FSIP1: variants seen among roughly 807,000 people sequenced by gnomAD.
FSIP1 encodes the protein fibrous sheath-interacting protein 1.
A neutral mutation model predicts 60.9 loss-of-function variants in FSIP1; 65 were observed. The observed-to-expected ratio is 1.07, with a 90% CI of 0.87 to 1.31. The LOEUF (loss-of-function observed/expected upper bound fraction) is 1.31, where lower values mean the gene tolerates loss of function less well. FSIP1 is among the 40% of genes most tolerant of loss of function. FSIP1 has a pLI of 0.00. For missense variants in FSIP1, 675 were observed against 665.5 expected, an observed-to-expected ratio of 1.01 and a Z score of -0.16; for synonymous variants, 209 against 221.2, an observed-to-expected ratio of 0.94 and a Z score of 0.49.
intron 8 of FSIP1, among the ~76,000 whole-genome samples, chr15:39,730,476 A>G (rs912947774): frequency 2.6e-5 from 4 of 152,246 alleles, no homozygotes; most frequent in African/African-American, 9.6e-5. Context: ...GGGCAAAGAA[A>G]CTTATTTCAT....
chr15:39,632,756 C>A (rs1211325203), intron 10 of FSIP1, among the ~76,000 whole-genome samples: 3 of 151,996 alleles, frequency 2.0e-5, no homozygotes, highest in Non-Finnish European at 4.4e-5. Context: ...TCGGCCACTG[C>A]ACTCCAACCT....
chr15:39,772,953 C>A (rs916447434), intron 2 of FSIP1, among the ~76,000 whole-genome samples: 1 of 151,976 alleles, frequency 6.6e-6, no homozygotes, highest in Non-Finnish European at 1.5e-5. Flanking sequence ...TCACAGGAAA[C>A]GCAAATACCT....
In FSIP1 at chr15:39,617,946, A is replaced by G; in HGVS notation, c.1488T>C (p.Ala496=). 6.2e-7 allele frequency: 1 copy of G among 1,614,196 alleles called. No individual in the cohort carries two copies. Among genetic ancestry groups the G allele is most frequent in the Non-Finnish European group, 8.5e-7 (1 of 1,180,026 alleles). ...KALTGHNMSE[A]LVTEAENMKC... ...TCATATTCTCTGCTTCAGTGACAAG[A>G]GCTTCTGACATGTTATGTCCAGTCA... The change falls in exon 11 of 12, where the codon GCT becomes GCC. Residue 496 remains alanine, a synonymous_variant. Transcript: ENST00000350221.
chr15:39,751,759 T>C (rs1202346908), intron 5 of FSIP1, among the ~76,000 whole-genome samples: 2 of 152,000 alleles, frequency 1.3e-5, no homozygotes, highest in African/African-American at 2.4e-5. Flanking sequence ...AGGACTATAA[T>C]TGATAATAGT....
chr15:39,699,780 A>C (rs1283000869), intron 10 of FSIP1, among the ~76,000 whole-genome samples: 6 of 152,116 alleles, frequency 3.9e-5, no homozygotes, highest in Admixed American at 3.9e-4. Context: ...TCAGCATTCC[A>C]CTCAAATTTC....
At chr15:39,647,311 C>T (rs1019980879) in intron 10 of FSIP1, among the ~76,000 whole-genome samples, 3 of 152,134 alleles carry the variant, frequency 2.0e-5, no homozygotes, top group African/African-American at 7.2e-5. Flanking sequence ...TGTTAATTTG[C>T]TTGACTATAA....
chr15:39,601,032 C>A (rs1330111880), intron 11 of FSIP1, 106 bp from the exon 12 acceptor site: 5 of 806,190 alleles, frequency 6.2e-6, no homozygotes, highest in Non-Finnish European at 1.0e-5. Context: ...ACACATGAGG[C>A]AATAATCACA....
chr15:39,656,622 C>A (rs572832405), intron 10 of FSIP1, among the ~76,000 whole-genome samples: 4 of 152,192 alleles, frequency 2.6e-5, no homozygotes, highest in Non-Finnish European at 5.9e-5. Context: ...TAACCTACCC[C>A]ATACAGTTTT....
At chr15:39,631,366 T>G (rs1891881663) in intron 10 of FSIP1, among the ~76,000 whole-genome samples, 1 of 152,180 alleles carries the variant, frequency 6.6e-6, no homozygotes, top group Admixed American at 6.5e-5. Flanking sequence ...TGAACCTTTG[T>G]TTATGATTTG....
chr15:39,704,064 G>A (rs1895168421), intron 10 of FSIP1, among the ~76,000 whole-genome samples: 1 of 152,240 alleles, frequency 6.6e-6, no homozygotes, highest in East Asian at 1.9e-4. Flanking sequence ...GTGATTAAGA[G>A]AACAAATTTT....
chr15:39,629,015 G>GGCA (rs1414352135), intron 10 of FSIP1, among the ~76,000 whole-genome samples: 3 of 152,172 alleles, frequency 2.0e-5, no homozygotes, highest in East Asian at 3.8e-4. Context: ...TCTGGAAGCT[G>GGCA]GCAGCAGCAG....
intron 10 of FSIP1, among the ~76,000 whole-genome samples, chr15:39,658,994 T>G (rs533855924): frequency 6.5e-4 from 99 of 152,346 alleles, no homozygotes; most frequent in Non-Finnish European, 1.3e-3. Context: ...AATGAAGTAC[T>G]AATACATGCT....
chr15:39,653,488 G>A (rs891591779), intron 10 of FSIP1, among the ~76,000 whole-genome samples: 7 of 151,950 alleles, frequency 4.6e-5, no homozygotes, highest in African/African-American at 1.7e-4. Flanking sequence ...AAACACATTA[G>A]CTGTACAAAA....
At chr15:39,605,616 G>A (rs533069905) in intron 11 of FSIP1, among the ~76,000 whole-genome samples, 3 of 152,218 alleles carry the variant, frequency 2.0e-5, no homozygotes, top group Non-Finnish European at 4.4e-5. Context: ...GAGAGGGCTA[G>A]GTGGGGGCTG....
chr15:39,679,662 A>G (rs1224100060), intron 10 of FSIP1, among the ~76,000 whole-genome samples: 3 of 152,226 alleles, frequency 2.0e-5, no homozygotes, highest in Non-Finnish European at 4.4e-5. Context: ...ATCAAACAGG[A>G]GAATTTACTA....
Position 39,618,056 on chromosome 15 carries a change from C to A in FSIP1, c.1378G>T (p.Val460Phe). 1.2e-6 allele frequency: 2 copies of A among 1,614,102 alleles called. No individual in the cohort carries two copies. Among genetic ancestry groups the A allele is most frequent in the African/African-American group, 1.3e-5 (1 of 75,022 alleles). The change falls in exon 11 of 12, where the codon GTC becomes TTC. Residue 460 changes from valine to phenylalanine, a missense_variant. Physicochemically the swap from Val to Phe is conservative, Grantham distance 50. Coordinates refer to ENST00000350221, the MANE Select transcript of FSIP1 (RefSeq NM_152597.5). Reference sequence around the variant, plus strand: ...GCATCTTCTACCTCAGTTTTCTGGACCTTTGTTTCTGATTCATTTAGCAAT... The same window carrying A: ...GCATCTTCTACCTCAGTTTTCTGGAACTTTGTTTCTGATTCATTTAGCAAT... ...SKLLNESETK[V>F]QKTEVEDADM...
At chr15:39,613,774 C>T (rs1393852894) in intron 11 of FSIP1, among the ~76,000 whole-genome samples, 1 of 152,130 alleles carries the variant, frequency 6.6e-6, no homozygotes, top group Non-Finnish European at 1.5e-5. Context: ...TGGGCTTTAT[C>T]CCTGGTATGC....
chr15:39,761,590 G>A (rs1321731271), intron 5 of FSIP1, among the ~76,000 whole-genome samples: 2 of 152,192 alleles, frequency 1.3e-5, no homozygotes, highest in Non-Finnish European at 2.9e-5. Flanking sequence ...AGAAAATAAT[G>A]GCCAAAGGGT....
chr15:39,668,515 T>C (rs968922591), intron 10 of FSIP1, among the ~76,000 whole-genome samples: 1 of 152,230 alleles, frequency 6.6e-6, no homozygotes, highest in African/African-American at 2.4e-5. Flanking sequence ...TTGACTTCTT[T>C]TGGGTATTTA....
Sources: gnomAD v4.1 joint callset for allele counts (sites outside exome capture counted in the v4.1 genomes callset) on GRCh38, gnomAD v4.1.1 for gene constraint, MANE v1.5 for transcripts, NCBI Gene and HGNC (gene_info 2026-07-23, HGNC 2026-07-21) for gene names.